NTRK2: variants seen among roughly 807,000 people sequenced by gnomAD.
The protein encoded by NTRK2 is neurotrophic receptor tyrosine kinase 2, also known as BDNF/NT-3 growth factors receptor.
NTRK2 carries 13 observed loss-of-function variants against 94.5 expected under a neutral mutation model. The observed-to-expected ratio is 0.14, with a 90% CI of 0.09 to 0.22. NTRK2 has a LOEUF of 0.22. Among genes scored for constraint, NTRK2 ranks in the 10% least tolerant of loss-of-function variants. NTRK2 has a pLI of 1.00. For missense variants in NTRK2, 639 were observed against 1,071.2 expected (o/e 0.60, Z 5.63); for synonymous variants, 372 against 407.4 (o/e 0.91, Z 1.05).
chr9:84,840,087 C>T (rs2074088664), intron 12 of NTRK2, among the ~76,000 whole-genome samples: 3 of 151,772 alleles, frequency 2.0e-5, no homozygotes, highest in Admixed American at 2.0e-4. Context: ...CTTCTTATTG[C>T]TTTTTCTTGC....
At chr9:84,898,490 T>C (rs2076826354) in intron 14 of NTRK2, among the ~76,000 whole-genome samples, 1 of 152,064 alleles carries the variant, frequency 6.6e-6, no homozygotes, top group South Asian at 2.1e-4. Flanking sequence ...TTTCTTTCTT[T>C]CTTTCTTTCT....
chr9:84,755,511 A>G (rs1376912911), intron 12 of NTRK2, among the ~76,000 whole-genome samples: 1 of 147,562 alleles, frequency 6.8e-6, no homozygotes, highest in Non-Finnish European at 1.5e-5. Context: ...TCTAAAAGAG[A>G]CAAAGTCCCA....
At chr9:84,771,475 C>T (rs779770756) in intron 12 of NTRK2, among the ~76,000 whole-genome samples, 6 of 152,056 alleles carry the variant, frequency 3.9e-5, no homozygotes, top group East Asian at 1.9e-4. Flanking sequence ...TTCTAGTGTC[C>T]GTATTGGGAC....
At chr9:84,815,413 A>G (rs200784453) in intron 12 of NTRK2, 186 of 1,045,314 alleles carry the variant, frequency 1.8e-4, no homozygotes, top group Non-Finnish European at 1.9e-4. Flanking sequence ...ACACATACAA[A>G]GTAACAAGAG....
chr9:84,771,456 T>C (rs2066535932), intron 12 of NTRK2, among the ~76,000 whole-genome samples: 1 of 152,204 alleles, frequency 6.6e-6, no homozygotes, highest in African/African-American at 2.4e-5. Context: ...GCCATCTAGA[T>C]GGACTTCCTT....
At chr9:84,769,481 A>G (rs974675807) in intron 12 of NTRK2, among the ~76,000 whole-genome samples, 8 of 152,236 alleles carry the variant, frequency 5.3e-5, no homozygotes. Flanking sequence ...TTATTTGAAT[A>G]AGGCAGAGTC....
chr9:84,938,579 G>T (rs993924863), intron 15 of NTRK2, among the ~76,000 whole-genome samples: 2 of 152,018 alleles, frequency 1.3e-5, no homozygotes, highest in African/African-American at 4.8e-5. Context: ...TTAATGAATG[G>T]CATTGAATGT....
rs1355455158 is a variant in NTRK2, at chr9:84,906,237, A to G, written c.1634-27925A>G. Among the ~76,000 whole-genome samples the G allele has an allele frequency of 3.9e-5, 6 of 152,182 alleles. No individual in the cohort carries two copies. In the East Asian group the frequency reaches 1.2e-3, roughly 29 times the overall value. ...TGGAATTCCAGACTTGGGAATGCCTAGAATTCAGGAGCAGCAAGGAGATGA... is the reference window on the plus strand; with the variant it reads ...TGGAATTCCAGACTTGGGAATGCCTGGAATTCAGGAGCAGCAAGGAGATGA... On this transcript the variant is annotated intron_variant, in intron 14 of 18. Coordinates refer to ENST00000277120, the MANE Select transcript of NTRK2 (RefSeq NM_006180.6).
chr9:84,864,865 C>A (rs969776551), intron 13 of NTRK2, among the ~76,000 whole-genome samples: 1 of 151,526 alleles, frequency 6.6e-6, no homozygotes, highest in Non-Finnish European at 1.5e-5. Context: ...TTCAGCCCCC[C>A]GAGTAGTTGG....
chr9:84,961,160 T>C (rs1824878027), intron 17 of NTRK2, among the ~76,000 whole-genome samples: 1 of 152,194 alleles, frequency 6.6e-6, no homozygotes, highest in South Asian at 2.1e-4. Flanking sequence ...TCTAGAACCT[T>C]TGAAACCAGG....
intron 15 of NTRK2, among the ~76,000 whole-genome samples, chr9:84,945,992 C>T (rs974627827): frequency 2.0e-5 from 3 of 152,158 alleles, no homozygotes; most frequent in Non-Finnish European, 4.4e-5. Context: ...TCAAGGTCTC[C>T]AGGTCACGTA....
intron 15 of NTRK2, 79 bp from the exon 16 acceptor site, chr9:84,948,383 A>G: frequency 6.9e-7 from 1 of 1,451,020 alleles, no homozygotes; most frequent in Non-Finnish European, 9.6e-7. Flanking sequence ...TTTGCCTAAC[A>G]AATGAGATGG....
chr9:84,888,981 A>ATTT lies in NTRK2; in HGVS notation c.1633+21550_1633+21551insTTT, dbSNP rs1564435262. 9.7e-5 allele frequency among the ~76,000 whole-genome samples: 8 copies of ATTT among 82,892 alleles called. 1 individual carries two copies. The highest frequency in any genetic ancestry group is 3.4e-4 in the East Asian group (1 of 2,912). The allele number at this position is 82,892 out of a possible 152,430, so 54.4% of individuals were successfully genotyped here. The stretch of plus-strand genomic sequence containing the variant: ...TTCCCCATTATTTATTAATGACAGA[A>ATTT]ATTTTTTTTTTTTTTTTTTTTTTTT... On this transcript the variant is annotated intron_variant, in intron 14 of 18. Transcript: ENST00000277120.
chr9:85,014,270 A>G (rs1831968168), intron 17 of NTRK2, among the ~76,000 whole-genome samples: 1 of 152,224 alleles, frequency 6.6e-6, no homozygotes, highest in African/African-American at 2.4e-5. Context: ...AAGGAGGATG[A>G]TAAATGCATT....
chr9:84,797,754 TA>T (rs1366858838), intron 12 of NTRK2, among the ~76,000 whole-genome samples: 10 of 24,486 alleles, frequency 4.1e-4, no homozygotes, highest in African/African-American at 1.3e-3. Flanking sequence ...ATATATATTA[TA>T]TATACTATAA....
At chr9:84,723,139 G>A (rs2132015710) in intron 6 of NTRK2, among the ~76,000 whole-genome samples, 1 of 152,272 alleles carries the variant, frequency 6.6e-6, no homozygotes, top group African/African-American at 2.4e-5. Flanking sequence ...CAAAATAGGT[G>A]CATCTCACCC....
At chr9:84,700,767 G>A (rs1452733786) in intron 2 of NTRK2, among the ~76,000 whole-genome samples, 1 of 152,044 alleles carries the variant, frequency 6.6e-6, no homozygotes, top group Non-Finnish European at 1.5e-5. Flanking sequence ...TAACAGCAGG[G>A]CTGCATATTT....
intron 17 of NTRK2, among the ~76,000 whole-genome samples, chr9:84,961,072 C>T (rs1010246214): frequency 1.3e-5 from 2 of 152,158 alleles, no homozygotes; most frequent in South Asian, 2.1e-4. Context: ...ACAACATTTT[C>T]GTTGCAGTGA....
intron 12 of NTRK2, among the ~76,000 whole-genome samples, chr9:84,802,233 A>T (rs1441916388): frequency 5.3e-5 from 8 of 152,224 alleles, no homozygotes; most frequent in Admixed American, 5.2e-4. Flanking sequence ...ATTTCTAACC[A>T]AGCTGTTATA....
Sources: allele counts gnomAD v4.1 joint callset (sites outside exome capture counted in the v4.1 genomes callset), GRCh38; gene constraint gnomAD v4.1.1; transcripts MANE v1.5; gene names NCBI Gene and HGNC (gene_info 2026-07-23, HGNC 2026-07-21).